EFR3A: variants seen among roughly 807,000 people sequenced by gnomAD.
The protein encoded by EFR3A is protein EFR3 homolog A.
A neutral mutation model predicts 104.4 loss-of-function variants in EFR3A; 76 were observed. The observed-to-expected ratio is 0.73, with a 90% CI of 0.60 to 0.88. The LOEUF (loss-of-function observed/expected upper bound fraction) is 0.88. Ranked by LOEUF, EFR3A falls within the 40% of genes least tolerant of loss-of-function variation. The pLI is 0.00. For synonymous variants in EFR3A, 330 were observed against 330.0 expected (o/e 1.00, Z 0.00); for missense variants, 985 against 1,012.5 (o/e 0.97, Z 0.37).
intron 22 of EFR3A, among the ~76,000 whole-genome samples, chr8:132,006,260 T>C (rs1822046877): frequency 1.3e-5 from 2 of 152,016 alleles, no homozygotes; most frequent in African/African-American, 4.8e-5. Flanking sequence ...CAATAGAAAA[T>C]ATTAACAAAC....
intron 5 of EFR3A, among the ~76,000 whole-genome samples, chr8:131,950,996 T>A (rs919709968): frequency 6.6e-6 from 1 of 152,106 alleles, no homozygotes; most frequent in Non-Finnish European, 1.5e-5. Flanking sequence ...TATCTACACC[T>A]AAAAAACAAG....
At chr8:131,925,753 A>G (rs968546255) in intron 1 of EFR3A, among the ~76,000 whole-genome samples, 5 of 152,150 alleles carry the variant, frequency 3.3e-5, no homozygotes, top group Admixed American at 6.5e-5. Context: ...GCTTTTAGGT[A>G]AAGTTGCCTT....
rs532194411 is a variant in EFR3A at position 131,947,015 on chromosome 8, G to A, written c.366+382G>A. Among the ~76,000 whole-genome samples, 9 of 152,058 alleles carry A rather than the reference G, an allele frequency of 5.9e-5. No individual in the cohort carries two copies. The South Asian group carries it at 1.9e-3, about 32-fold the overall frequency. On this transcript the variant is annotated intron_variant, in intron 4 of 22. Transcript: ENST00000254624. ...TGCTGCTATGAAGATTTGTGTACAG[G>A]TTTTTGTGTGGATGTATGTTTTTCA... is the stretch of plus-strand genomic sequence containing the variant.
At position 131,914,354 on chromosome 8, in the gene EFR3A, T is replaced by G. The variant is rs554916667; in HGVS notation, c.10+10032T>G. Among the ~76,000 whole-genome samples, 3 of 152,308 alleles carry G rather than the reference T, an allele frequency of 2.0e-5. No homozygotes were observed. The East Asian group carries it at 5.8e-4, about 29-fold the overall frequency. ...GCTTCTTTGTTTGGTCTTCCAGTGA[T>G]GGGGGTATCTGCCCCAGGACAGTTC... On this transcript the variant is annotated intron_variant, in intron 1 of 22. Transcript: ENST00000254624.
intron 1 of EFR3A, among the ~76,000 whole-genome samples, chr8:131,917,531 T>A (rs1373525739): frequency 6.6e-6 from 1 of 152,198 alleles, no homozygotes; most frequent in Non-Finnish European, 1.5e-5. Context: ...ATGCTTTGCT[T>A]TTGCCAAAAT....
intron 1 of EFR3A, among the ~76,000 whole-genome samples, chr8:131,934,055 G>T (rs895360353): frequency 6.6e-6 from 1 of 152,226 alleles, no homozygotes; most frequent in Admixed American, 6.5e-5. Context: ...TATGTGGAAA[G>T]AATCATGTAA....
Position 131,921,433 on chromosome 8 carries a change from T to C in EFR3A, c.10+17111T>C, listed in dbSNP as rs550728409. On this transcript the variant is annotated intron_variant, in intron 1 of 22. Coordinates refer to ENST00000254624, the MANE Select transcript of EFR3A (RefSeq NM_015137.6). ...GCAAAGACCCCCCTCTCTCTAGATA[T>C]GGTCACTTTCTGAGGCACTGGAAAT... 4.6e-5 allele frequency among the ~76,000 whole-genome samples: 7 copies of C among 152,294 alleles called. No individual in the cohort carries two copies. In the East Asian group the frequency reaches 1.3e-3, roughly 29 times the overall value.
At chr8:131,904,919 G>A (rs534334642) in intron 1 of EFR3A, among the ~76,000 whole-genome samples, 1 of 152,254 alleles carries the variant, frequency 6.6e-6, no homozygotes, top group South Asian at 2.1e-4. Context: ...TTCGGGACCC[G>A]CCCTATTCCC....
chr8:131,938,273 G>A (rs971102529), intron 1 of EFR3A: 2 of 397,954 alleles, frequency 5.0e-6, no homozygotes, highest in African/African-American at 4.1e-5. Flanking sequence ...AAAGCCTTAT[G>A]AATTTACTTC....
chr8:131,986,776 C>T (rs144586457), intron 17 of EFR3A, among the ~76,000 whole-genome samples: 2,811 of 133,352 alleles, frequency 0.021, 42 homozygotes, highest in South Asian at 0.043. Context: ...AAGAGCAGAG[C>T]GAGACTCCAT....
rs1822426999 is a variant in EFR3A at position 132,013,014 on chromosome 8, T to A, written c.*2119T>A. 1 of 152,184 alleles carries A rather than the reference T, an allele frequency of 6.6e-6. No individual in the cohort carries two copies. The highest frequency in any genetic ancestry group is 1.5e-5 in the Non-Finnish European group (1 of 68,022). The allele number at this position is 152,184 out of a possible 1,614,324, so 9.4% of individuals were successfully genotyped here. On this transcript the variant is annotated 3_prime_UTR_variant, in exon 23 of 23. Coordinates refer to ENST00000254624, the MANE Select transcript of EFR3A (RefSeq NM_015137.6). ...CTGAACTGGTCTTGTTGACAAGGAT[T>A]CCCAAGAAATGGATCTTTTCACTGG... is the stretch of plus-strand genomic sequence containing the variant.
intron 6 of EFR3A, among the ~76,000 whole-genome samples, chr8:131,954,971 G>A (rs1051455114): frequency 6.6e-6 from 1 of 151,932 alleles, no homozygotes; most frequent in African/African-American, 2.4e-5. Context: ...TCCAGCTTTG[G>A]GAACCTTTCC....
At chr8:131,971,685 CA>C (rs34769645) in intron 10 of EFR3A, among the ~76,000 whole-genome samples, 66,699 of 126,082 alleles carry the variant, frequency 0.53, 15,274 homozygotes, top group Middle Eastern at 0.62. Context: ...GACTCCGTCT[CA>C]AAAAAAAAAA....
chr8:131,946,507 A>G lies in EFR3A; in HGVS notation c.240A>G (p.Ala80=). ...RSGYVLIAME[A]LDQLLMACHS... ...GGTATGTTTTGATTGCTATGGAGGC[A>G]CTGGACCAACTTCTCATGGCTTGCC... The change falls in exon 4 of 23, where the codon GCA becomes GCG. Residue 80 remains alanine, a synonymous_variant. Coordinates refer to ENST00000254624, the MANE Select transcript of EFR3A (RefSeq NM_015137.6). 1.2e-6 allele frequency: 2 copies of G among 1,604,278 alleles called. No homozygotes were observed. Among genetic ancestry groups the G allele is most frequent in the Non-Finnish European group, 8.5e-7 (1 of 1,175,516 alleles).
At chr8:131,974,649 T>C (rs1053853405) in intron 10 of EFR3A, among the ~76,000 whole-genome samples, 2 of 152,218 alleles carry the variant, frequency 1.3e-5, no homozygotes, top group African/African-American at 4.8e-5. Flanking sequence ...ACTCAAAAGG[T>C]TATTTTGCGG....
At chr8:132,004,178 G>A (rs1048318529) in intron 22 of EFR3A, among the ~76,000 whole-genome samples, 3 of 152,010 alleles carry the variant, frequency 2.0e-5, no homozygotes, top group African/African-American at 7.3e-5. Context: ...CTCTTAAGTT[G>A]AGAATCACTC....
chr8:131,909,456 G>A (rs73349339), intron 1 of EFR3A, among the ~76,000 whole-genome samples: 1,647 of 152,152 alleles, frequency 0.011, 27 homozygotes, highest in African/African-American at 0.038. Context: ...TGAGGCAGGA[G>A]GATTGTTTGA....
intron 1 of EFR3A, among the ~76,000 whole-genome samples, chr8:131,906,456 TG>T (rs1816271041): frequency 1.3e-5 from 2 of 152,332 alleles, no homozygotes; most frequent in South Asian, 4.1e-4. Context: ...AGGTGATCAC[TG>T]TGGTCTCTCA....
chr8:131,966,785 G>A (rs1040081848), intron 8 of EFR3A, among the ~76,000 whole-genome samples: 3 of 152,090 alleles, frequency 2.0e-5, no homozygotes, highest in African/African-American at 7.2e-5. Context: ...TGTTAACATT[G>A]CCTTAAACTT....
Sources: gnomAD v4.1 joint callset for allele counts (sites outside exome capture counted in the v4.1 genomes callset) on GRCh38, gnomAD v4.1.1 for gene constraint, MANE v1.5 for transcripts, NCBI Gene and HGNC (gene_info 2026-07-23, HGNC 2026-07-21) for gene names.